Variants in ADGRL2 observed in about 807,000 individuals in gnomAD.
ADGRL2 encodes adhesion G protein-coupled receptor L2.
Under a neutral mutation model 157.4 loss-of-function variants are expected in ADGRL2, and 44 were observed. The ratio of observed to expected loss-of-function variants is 0.28; its 90% CI spans 0.22 to 0.36. The LOEUF (loss-of-function observed/expected upper bound fraction) is 0.36. Among genes scored for constraint, ADGRL2 ranks in the 10% least tolerant of loss-of-function variants. The pLI, the probability that ADGRL2 is intolerant of heterozygous loss-of-function variation, is 1.00. For missense variants in ADGRL2, 1,510 were observed against 1,768.9 expected, an observed-to-expected ratio of 0.85 and a Z score of 2.63; for synonymous variants, 585 against 624.7, an observed-to-expected ratio of 0.94 and a Z score of 0.95.
chr1:81,752,643 C>T (rs979970352), intron 1 of ADGRL2, among the ~76,000 whole-genome samples: 5 of 152,148 alleles, frequency 3.3e-5, no homozygotes, highest in African/African-American at 7.2e-5. Flanking sequence ...GCCACCTTAG[C>T]CTCCTGAGTA....
At chr1:81,929,171 A>T (rs564247226) in intron 3 of ADGRL2, among the ~76,000 whole-genome samples, 26 of 152,074 alleles carry the variant, frequency 1.7e-4, no homozygotes, top group Non-Finnish European at 2.8e-4. Context: ...TCTTCCTTAG[A>T]ACTGTGGTGA....
intron 2 of ADGRL2, among the ~76,000 whole-genome samples, chr1:81,780,260 A>G (rs2086758855): frequency 6.6e-6 from 1 of 152,196 alleles, no homozygotes; most frequent in Non-Finnish European, 1.5e-5. Context: ...TTATATGACC[A>G]AATTCTATGC....
chr1:81,501,953 G>T (rs1016099400), intron 2 of ADGRL2: 1 of 1,613,676 alleles, frequency 6.2e-7, no homozygotes, highest in African/African-American at 1.3e-5. Flanking sequence ...CGCCACAGCT[G>T]GGAGACCTTC....
intron 2 of ADGRL2, among the ~76,000 whole-genome samples, chr1:81,891,933 G>A (rs1418978399): frequency 6.6e-6 from 1 of 151,004 alleles, no homozygotes; most frequent in Non-Finnish European, 1.5e-5. Flanking sequence ...TTAGTCCTTT[G>A]CAGAACATAA....
chr1:81,645,083 C>T (rs925431319), intron 3 of ADGRL2, among the ~76,000 whole-genome samples: 1 of 152,012 alleles, frequency 6.6e-6, no homozygotes, highest in Non-Finnish European at 1.5e-5. Context: ...TGTGCATTTT[C>T]TCTCTTATGA....
intron 2 of ADGRL2, among the ~76,000 whole-genome samples, chr1:81,767,015 C>T (rs2086156368): frequency 6.6e-6 from 1 of 151,808 alleles, no homozygotes; most frequent in Admixed American, 6.6e-5. Flanking sequence ...TTTCTCTATC[C>T]CTTGCTTTTC....
At chr1:81,408,207 A>C (rs1282033032) in intron 1 of ADGRL2, among the ~76,000 whole-genome samples, 1 of 152,214 alleles carries the variant, frequency 6.6e-6, no homozygotes, top group East Asian at 1.9e-4. Context: ...GTGATGGAGT[A>C]AACCTTATAC....
chr1:81,443,553 C>A (rs2077547329), intron 1 of ADGRL2, among the ~76,000 whole-genome samples: 1 of 152,066 alleles, frequency 6.6e-6, no homozygotes, highest in African/African-American at 2.4e-5. Flanking sequence ...TGGTTTGAGA[C>A]CCACTTGATA....
intron 2 of ADGRL2, among the ~76,000 whole-genome samples, chr1:81,448,175 C>T (rs1222950862): frequency 1.6e-5 from 2 of 121,556 alleles, no homozygotes; most frequent in Non-Finnish European, 3.2e-5. Context: ...GACAGAGTCT[C>T]GCTCTGTGGC....
At chr1:81,583,951 G>T (rs145918346) in intron 3 of ADGRL2, among the ~76,000 whole-genome samples, 1 of 152,204 alleles carries the variant, frequency 6.6e-6, no homozygotes, top group Non-Finnish European at 1.5e-5. Context: ...ATATTAATAC[G>T]TTGGGGTTTA....
chr1:81,603,965 CTTTTT>C (rs35950804), intron 3 of ADGRL2, among the ~76,000 whole-genome samples: 1 of 131,924 alleles, frequency 7.6e-6, no homozygotes. Context: ...ATATCTTTTT[CTTTTT>C]TTTTTTTTTT....
intron 2 of ADGRL2, among the ~76,000 whole-genome samples, chr1:81,870,803 C>G (rs2093670835): frequency 6.6e-6 from 1 of 151,622 alleles, no homozygotes; most frequent in Non-Finnish European, 1.5e-5. Context: ...CTCTATTTTT[C>G]TGTTCATGAA....
intron 1 of ADGRL2, among the ~76,000 whole-genome samples, chr1:81,383,108 TC>T (rs2076371305): frequency 6.6e-6 from 1 of 152,176 alleles, no homozygotes; most frequent in Non-Finnish European, 1.5e-5. Context: ...CATCGTGTGC[TC>T]TTTCCATACG....
At chr1:81,596,277 C>G in intron 3 of ADGRL2, 4 of 571,646 alleles carry the variant, frequency 7.0e-6, no homozygotes, top group Admixed American at 5.8e-5. Flanking sequence ...GAAATGATCC[C>G]ATGTCTTAGA....
chr1:81,855,684 C>A (rs565042593), intron 2 of ADGRL2, among the ~76,000 whole-genome samples: 1 of 152,142 alleles, frequency 6.6e-6, no homozygotes, highest in East Asian at 1.9e-4. Flanking sequence ...AATGTTACAT[C>A]CCCATATTTT....
At chr1:81,341,013 C>G (rs1662033664) in intron 1 of ADGRL2, among the ~76,000 whole-genome samples, 1 of 151,832 alleles carries the variant, frequency 6.6e-6, no homozygotes, top group Admixed American at 6.6e-5. Context: ...TGCCATAGTC[C>G]CAATCATATG....
intron 2 of ADGRL2, among the ~76,000 whole-genome samples, chr1:81,778,309 G>C (rs1386596533): frequency 2.3e-5 from 3 of 130,266 alleles, no homozygotes; most frequent in Non-Finnish European, 3.2e-5. Flanking sequence ...GCGACAGAGC[G>C]AGACTCCGTC....
intron 2 of ADGRL2, among the ~76,000 whole-genome samples, chr1:81,492,604 C>G (rs2078656680): frequency 6.6e-6 from 1 of 152,166 alleles, no homozygotes; most frequent in South Asian, 2.1e-4. Flanking sequence ...AAAATCATCA[C>G]TGTGCAATAT....
chr1:81,898,072 T>G (rs1013642357), intron 2 of ADGRL2, among the ~76,000 whole-genome samples: 19 of 152,090 alleles, frequency 1.2e-4, no homozygotes, highest in Admixed American at 1.2e-3. Context: ...ATTGTACCAC[T>G]GCACTCCAGC....
Sources: allele counts gnomAD v4.1 joint callset (sites outside exome capture counted in the v4.1 genomes callset), GRCh38; gene constraint gnomAD v4.1.1; transcripts MANE v1.5; gene names NCBI Gene and HGNC (gene_info 2026-07-23, HGNC 2026-07-21).